The following SLC8A1 variants were observed in gnomAD, a reference collection of about 807,000 sequenced individuals.
SLC8A1 encodes the protein solute carrier family 8 member A1.
In SLC8A1, 18 loss-of-function variants were observed where a neutral mutation model predicts 68.3. The observed-to-expected ratio is 0.26, with a 90% CI of 0.18 to 0.39. The LOEUF (loss-of-function observed/expected upper bound fraction) is 0.39. Among genes scored for constraint, SLC8A1 ranks in the 10% least tolerant of loss-of-function variants. The probability of loss-of-function intolerance (pLI) is 1.00; values close to 1 mark genes in which losing one functional copy is unlikely to be tolerated. For synonymous variants in SLC8A1, 475 were observed against 415.5 expected, an observed-to-expected ratio of 1.14 and a Z score of -1.74; for missense variants, 985 against 1,156.7, an observed-to-expected ratio of 0.85 and a Z score of 2.15.
At chr2:40,316,844 T>C (rs1228978658) in intron 2 of SLC8A1, among the ~76,000 whole-genome samples, 1 of 151,982 alleles carries the variant, frequency 6.6e-6, no homozygotes, top group Non-Finnish European at 1.5e-5. Context: ...AATCTTAGTC[T>C]CATAGGGATA....
intron 2 of SLC8A1, among the ~76,000 whole-genome samples, chr2:40,214,718 G>C (rs761360964): frequency 6.6e-5 from 10 of 152,030 alleles, no homozygotes; most frequent in Non-Finnish European, 1.0e-4. Context: ...GATTACAGGC[G>C]TGAGCCACTG....
At chr2:40,336,780 A>C (rs925630647) in intron 2 of SLC8A1, among the ~76,000 whole-genome samples, 1 of 152,262 alleles carries the variant, frequency 6.6e-6, no homozygotes, top group South Asian at 2.1e-4. Context: ...TGAAAAAAAT[A>C]ATAAAGTCCA....
chr2:40,505,539 T>C (rs1309370480), intron 1 of SLC8A1, among the ~76,000 whole-genome samples: 1 of 151,894 alleles, frequency 6.6e-6, no homozygotes, highest in Non-Finnish European at 1.5e-5. Flanking sequence ...TGGTGGAAAA[T>C]GCTCATAGAG....
intron 1 of SLC8A1, among the ~76,000 whole-genome samples, chr2:40,462,685 G>T (rs1051706339): frequency 6.6e-6 from 1 of 151,956 alleles, no homozygotes; most frequent in African/African-American, 2.4e-5. Context: ...GTGCATGCCT[G>T]TATTTCTAGC....
chr2:40,333,553 A>G (rs1480552861), intron 2 of SLC8A1, among the ~76,000 whole-genome samples: 2 of 152,022 alleles, frequency 1.3e-5, no homozygotes, highest in African/African-American at 4.8e-5. Context: ...AATTCTATTC[A>G]TTTTATTCAA....
chr2:40,135,292 T>C (rs1183415885), intron 7 of SLC8A1, among the ~76,000 whole-genome samples: 1 of 152,174 alleles, frequency 6.6e-6, no homozygotes, highest in East Asian at 1.9e-4. Context: ...AGATGATCTC[T>C]AGCAGAAGCA....
At chr2:40,115,240 T>C (rs775108252) in exon 8 of SLC8A1, 6 of 1,578,278 alleles carry the variant, frequency 3.8e-6, no homozygotes, top group Non-Finnish European at 5.2e-6. Context: ...ATTTACTATA[T>C]CTGATAGTTC....
intron 6 of SLC8A1, among the ~76,000 whole-genome samples, chr2:40,145,117 C>T (rs2042214560): frequency 6.6e-6 from 1 of 152,138 alleles, no homozygotes; most frequent in Admixed American, 6.6e-5. Context: ...TGCTTCATTC[C>T]TATCTTGGTG....
At chr2:40,476,246 C>T (rs1704293013) in intron 1 of SLC8A1, among the ~76,000 whole-genome samples, 1 of 152,138 alleles carries the variant, frequency 6.6e-6, no homozygotes, top group Non-Finnish European at 1.5e-5. Context: ...TATAGAAACT[C>T]TGGACCCAAG....
intron 6 of SLC8A1, among the ~76,000 whole-genome samples, chr2:40,142,175 T>C (rs191475732): frequency 4.6e-5 from 7 of 152,348 alleles, no homozygotes; most frequent in Admixed American, 2.6e-4. Context: ...ATACATTTCT[T>C]CTTTTTTCTT....
At chr2:40,109,356 T>G (rs1266572357) in exon 8 of SLC8A1, 2 of 152,164 alleles carry the variant, frequency 1.3e-5, no homozygotes, top group Non-Finnish European at 2.9e-5. Flanking sequence ...TCGGTTCTCA[T>G]TCCCAATCCA....
At chr2:40,257,281 G>A (rs981169837) in intron 2 of SLC8A1, among the ~76,000 whole-genome samples, 1 of 152,070 alleles carries the variant, frequency 6.6e-6, no homozygotes, top group Non-Finnish European at 1.5e-5. Context: ...TTCCTAACAC[G>A]CAAGCATACT....
intron 2 of SLC8A1, among the ~76,000 whole-genome samples, chr2:40,216,068 C>T (rs921364096): frequency 2.0e-5 from 3 of 149,562 alleles, no homozygotes; most frequent in Non-Finnish European, 4.4e-5. Flanking sequence ...GATACATGTG[C>T]AGAACGTGCA....
In SLC8A1 at chr2:40,277,794, G is replaced by GTGTATATATATATATA. The variant is rs907874659; in HGVS notation, c.1809-99940_1809-99939insTATATATATATATACA. ...TATGTATAAATATATATATATGTGT[G>GTGTATATATATATATA]TATATATATATATATATATATATAT... On this transcript the variant is annotated intron_variant, in intron 2 of 7. Transcript: ENST00000406785. 7.4e-5 allele frequency among the ~76,000 whole-genome samples: 8 copies of GTGTATATATATATATA among 108,006 alleles called. No homozygotes were observed. The East Asian group carries it at 1.1e-3, about 14-fold the overall frequency. The allele number at this position is 108,006 out of a possible 152,430, so 70.9% of individuals were successfully genotyped here.
At chr2:40,351,547 A>G (rs10192546) in intron 2 of SLC8A1, among the ~76,000 whole-genome samples, 75,406 of 150,828 alleles carry the variant, frequency 0.5, 19,582 homozygotes, top group East Asian at 0.69. Context: ...TTATCAATGT[A>G]CTAGAGTCAA....
chr2:40,135,901 T>A (rs1471597345), intron 7 of SLC8A1, among the ~76,000 whole-genome samples: 2 of 152,182 alleles, frequency 1.3e-5, no homozygotes, highest in Admixed American at 6.5e-5. Context: ...CAGTTCTGTT[T>A]TAGATACAGT....
intron 2 of SLC8A1, among the ~76,000 whole-genome samples, chr2:40,252,817 TATATATGTATATACATGTGTATAC>T (rs1354605627): frequency 6.9e-6 from 1 of 144,456 alleles, no homozygotes; most frequent in Non-Finnish European, 1.5e-5. Context: ...TACATATACA[TATATATGTATATACATGTGTATAC>T]ATATATGTAT....
chr2:40,414,213 G>C (rs1159333406), intron 2 of SLC8A1, among the ~76,000 whole-genome samples: 1 of 152,150 alleles, frequency 6.6e-6, no homozygotes, highest in Admixed American at 6.6e-5. Flanking sequence ...TTTCAGTGTT[G>C]ATTTTGTTGG....
At chr2:40,437,286 C>T (rs1246174865) in intron 1 of SLC8A1, among the ~76,000 whole-genome samples, 2 of 152,140 alleles carry the variant, frequency 1.3e-5, no homozygotes, top group South Asian at 4.1e-4. Context: ...CATGCTGCCC[C>T]TTCTTCCCAC....
Sources: allele counts gnomAD v4.1 joint callset (sites outside exome capture counted in the v4.1 genomes callset), GRCh38; gene constraint gnomAD v4.1.1; transcripts MANE v1.5; gene names NCBI Gene and HGNC (gene_info 2026-07-23, HGNC 2026-07-21).